MORC1: variants seen among roughly 807,000 people sequenced by gnomAD.
MORC1 encodes MORC family CW-type zinc finger protein 1.
A neutral mutation model predicts 134.9 loss-of-function variants in MORC1; 59 were observed. The ratio of observed to expected loss-of-function variants is 0.44; its 90% CI spans 0.35 to 0.54. The LOEUF (loss-of-function observed/expected upper bound fraction) is 0.54, where lower values mean the gene tolerates loss of function less well. Among genes scored for constraint, MORC1 ranks in the 20% least tolerant of loss-of-function variants. MORC1 has a pLI of 0.00. For synonymous variants in MORC1, 395 were observed against 391.7 expected, an observed-to-expected ratio of 1.01 and a Z score of -0.10; for missense variants, 947 against 1,134.5, an observed-to-expected ratio of 0.83 and a Z score of 2.37.
At chr3:109,114,461 CA>C in intron 1 of MORC1, 24 bp from the exon 2 acceptor site, 1 of 1,602,930 alleles carries the variant, frequency 6.2e-7, no homozygotes, top group Non-Finnish European at 8.5e-7. Flanking sequence ...AAAGAGAAAA[CA>C]AAAAGTTAAA....
At chr3:109,005,748 C>A (rs918593716) in intron 18 of MORC1, among the ~76,000 whole-genome samples, 9 of 152,188 alleles carry the variant, frequency 5.9e-5, no homozygotes, top group Non-Finnish European at 1.3e-4. Context: ...CATGTGCCTG[C>A]TTGTTAGAGC....
At chr3:108,990,892 CTCTCTT>C (rs539416602) in intron 21 of MORC1, among the ~76,000 whole-genome samples, 123 of 141,568 alleles carry the variant, frequency 8.7e-4, no homozygotes, top group African/African-American at 3.2e-3. Context: ...GTTTATGTTT[CTCTCTT>C]TCTCTCTCTC....
At chr3:108,987,029 G>C (rs1387465621) in intron 21 of MORC1, 80 bp from the exon 22 acceptor site, 1 of 1,050,686 alleles carries the variant, frequency 9.5e-7, no homozygotes, top group Non-Finnish European at 1.3e-6. Flanking sequence ...TTGAAAAGCA[G>C]TGTCCCCAGC....
At chr3:109,074,798 G>C (rs1454248983) in intron 8 of MORC1, among the ~76,000 whole-genome samples, 1 of 152,226 alleles carries the variant, frequency 6.6e-6, no homozygotes, top group Non-Finnish European at 1.5e-5. Flanking sequence ...GTAGGAAAAA[G>C]TAGAATGAGG....
At position 109,016,465 on chromosome 3, in the gene MORC1, C is replaced by A. The variant is rs566644956; in HGVS notation, c.1705-9374G>T. Among the ~76,000 whole-genome samples, 20 of 152,292 alleles carry A rather than the reference C, an allele frequency of 1.3e-4. No homozygotes were observed. In the East Asian group the frequency reaches 3.9e-3, roughly 29 times the overall value. On this transcript the variant is annotated intron_variant, in intron 17 of 27. Transcript: ENST00000232603. Reference sequence around the variant, plus strand: ...TGTGTGAACACCCTTAACTTCTTTTCTACAATCTCAGAGGAAAAAATGTCC... The same window carrying A: ...TGTGTGAACACCCTTAACTTCTTTTATACAATCTCAGAGGAAAAAATGTCC...
intron 23 of MORC1, among the ~76,000 whole-genome samples, chr3:108,981,370 T>A (rs1947714712): frequency 6.6e-6 from 1 of 152,210 alleles, no homozygotes; most frequent in Non-Finnish European, 1.5e-5. Flanking sequence ...TTATACTGTC[T>A]AACTTTGCTG....
intron 25 of MORC1, among the ~76,000 whole-genome samples, chr3:108,970,554 G>T (rs1389801044): frequency 6.6e-6 from 1 of 152,188 alleles, no homozygotes; most frequent in African/African-American, 2.4e-5. Context: ...ATTAGGGATT[G>T]TGCCCAAGAT....
At chr3:109,076,281 T>C (rs1311350125) in intron 8 of MORC1, among the ~76,000 whole-genome samples, 1 of 152,138 alleles carries the variant, frequency 6.6e-6, no homozygotes, top group African/African-American at 2.4e-5. Flanking sequence ...CACAAAGAGA[T>C]ACCATCTCAC....
chr3:109,054,497 T>C (rs529896688), intron 14 of MORC1, among the ~76,000 whole-genome samples: 1 of 152,272 alleles, frequency 6.6e-6, no homozygotes, highest in South Asian at 2.1e-4. Context: ...CCTCACTCTG[T>C]TCTCTGATTG....
At chr3:109,025,113 TG>T (rs1949043388) in intron 17 of MORC1, among the ~76,000 whole-genome samples, 1 of 152,148 alleles carries the variant, frequency 6.6e-6, no homozygotes, top group Admixed American at 6.5e-5. Flanking sequence ...ATATGGGAGT[TG>T]CATCATTGTA....
At chr3:108,995,866 T>C (rs1182878753) in intron 21 of MORC1, among the ~76,000 whole-genome samples, 1 of 152,178 alleles carries the variant, frequency 6.6e-6, no homozygotes, top group Non-Finnish European at 1.5e-5. Flanking sequence ...GCCAAAATGC[T>C]GAATGTTAGC....
At chr3:108,972,297 A>G (rs1947405667) in intron 24 of MORC1, among the ~76,000 whole-genome samples, 1 of 152,196 alleles carries the variant, frequency 6.6e-6, no homozygotes, top group Non-Finnish European at 1.5e-5. Flanking sequence ...TAGTATTCTA[A>G]TGCTGACGTA....
intron 14 of MORC1, among the ~76,000 whole-genome samples, chr3:109,054,137 G>A (rs549653784): frequency 6.6e-6 from 1 of 151,828 alleles, no homozygotes; most frequent in African/African-American, 2.4e-5. Flanking sequence ...CAAAAATTAG[G>A]CGGGCGTGGT....
intron 17 of MORC1, among the ~76,000 whole-genome samples, chr3:109,021,965 C>A (rs1000918610): frequency 3.3e-5 from 5 of 152,154 alleles, no homozygotes; most frequent in Non-Finnish European, 7.3e-5. Context: ...TGTTTAATGT[C>A]TCATTTGGTA....
At chr3:109,023,897 G>A (rs1949016314) in intron 17 of MORC1, among the ~76,000 whole-genome samples, 1 of 152,142 alleles carries the variant, frequency 6.6e-6, no homozygotes, top group South Asian at 2.1e-4. Flanking sequence ...GAAAACAGCA[G>A]GTAATGTGGA....
chr3:109,113,063 T>C (rs4855578), intron 2 of MORC1, among the ~76,000 whole-genome samples: 120,625 of 152,172 alleles, frequency 0.79, 48,586 homozygotes, highest in East Asian at 0.93. Context: ...GAAAAATAGA[T>C]AAATGTGTTC....
intron 3 of MORC1, among the ~76,000 whole-genome samples, chr3:109,108,770 G>A (rs1951093674): frequency 1.3e-5 from 2 of 152,056 alleles, no homozygotes; most frequent in Admixed American, 1.3e-4. Context: ...CATGGTGGCG[G>A]GCACATGTAG....
intron 16 of MORC1, among the ~76,000 whole-genome samples, chr3:109,031,966 T>C (rs1439149491): frequency 6.6e-6 from 1 of 152,214 alleles, no homozygotes; most frequent in African/African-American, 2.4e-5. Flanking sequence ...ACCTGAGGAC[T>C]CTAGATGAAA....
At chr3:109,113,880 A>T (rs1951220692) in intron 2 of MORC1, among the ~76,000 whole-genome samples, 1 of 152,238 alleles carries the variant, frequency 6.6e-6, no homozygotes, top group Non-Finnish European at 1.5e-5. Context: ...TAATCTCTCT[A>T]TGCATCAATT....
Sources: gnomAD v4.1 joint callset for allele counts (sites outside exome capture counted in the v4.1 genomes callset) on GRCh38, gnomAD v4.1.1 for gene constraint, MANE v1.5 for transcripts, NCBI Gene and HGNC (gene_info 2026-07-23, HGNC 2026-07-21) for gene names.